The following TRNAU1AP variants were observed in gnomAD, a reference collection of about 807,000 sequenced individuals.
The protein encoded by TRNAU1AP is tRNA selenocysteine 1-associated protein 1.
In TRNAU1AP, 33 loss-of-function variants were observed where a neutral mutation model predicts 43.3. The ratio of observed to expected loss-of-function variants is 0.76; its 90% CI spans 0.58 to 1.02. TRNAU1AP has a LOEUF of 1.02. Ranked by LOEUF, TRNAU1AP falls within the 50% of genes least tolerant of loss-of-function variation. The pLI is 0.00. For missense variants in TRNAU1AP, 290 were observed against 362.7 expected (o/e 0.80, Z 1.63); for synonymous variants, 143 against 129.1 (o/e 1.11, Z -0.73).
intron 4 of TRNAU1AP, among the ~76,000 whole-genome samples, chr1:28,563,660 G>A (rs2124199026): frequency 6.6e-6 from 1 of 152,034 alleles, no homozygotes; most frequent in African/African-American, 2.4e-5. Context: ...CTCCAGCTTA[G>A]GGGACAGAGC....
intron 7 of TRNAU1AP, 81 bp from the exon 8 acceptor site, chr1:28,571,786 A>AAAAATAAAAAATAAAATAAAATAAAAT: frequency 9.9e-7 from 1 of 1,008,576 alleles, no homozygotes; most frequent in Non-Finnish European, 1.5e-6. Flanking sequence ...CCACCTCAAA[A>AAAAATAAAAAATAAAATAAAATAAAAT]AAAATAAAAA....
At chr1:28,561,075 A>G in intron 3 of TRNAU1AP, 1 of 1,365,218 alleles carries the variant, frequency 7.3e-7, no homozygotes, top group Non-Finnish European at 9.4e-7. Flanking sequence ...AGCAGCAAGG[A>G]CACATTTCAA....
chr1:28,563,887 G>A (rs1006893107), intron 4 of TRNAU1AP, among the ~76,000 whole-genome samples: 3 of 151,976 alleles, frequency 2.0e-5, no homozygotes, highest in Non-Finnish European at 4.4e-5. Flanking sequence ...AGGTTTGTGT[G>A]TTCGTTTATT....
chr1:28,573,104 A>G (rs1435465884), intron 8 of TRNAU1AP, among the ~76,000 whole-genome samples: 1 of 140,376 alleles, frequency 7.1e-6, no homozygotes, highest in Non-Finnish European at 1.5e-5. Context: ...GCGCAATCTC[A>G]TCTCACTGCA....
intron 3 of TRNAU1AP, chr1:28,560,934 G>C (rs1665391240): frequency 1.1e-6 from 1 of 910,398 alleles, no homozygotes; most frequent in South Asian, 2.0e-5. Context: ...GTAAATGGCA[G>C]AGCCAGGATT....
chr1:28,567,221 A>T, intron 5 of TRNAU1AP, 73 bp from the exon 6 acceptor site: 1 of 1,528,132 alleles, frequency 6.5e-7, no homozygotes. Flanking sequence ...TCTTATCCTT[A>T]CTTCTTTTTC....
At chr1:28,555,877 G>A (rs1429426101) in intron 2 of TRNAU1AP, among the ~76,000 whole-genome samples, 4 of 142,384 alleles carry the variant, frequency 2.8e-5, no homozygotes, top group Non-Finnish European at 4.5e-5. Context: ...TTTTTGAGAC[G>A]GAGTCTTGCT....
intron 2 of TRNAU1AP, among the ~76,000 whole-genome samples, chr1:28,559,273 C>G (rs868788720): frequency 6.6e-6 from 1 of 152,012 alleles, no homozygotes. Context: ...AAAAGCCAAC[C>G]TCTTTTTTTC....
intron 6 of TRNAU1AP, 91 bp downstream of exon 6, chr1:28,567,504 A>G (rs1665567493): frequency 1.4e-6 from 2 of 1,423,424 alleles, no homozygotes; most frequent in African/African-American, 1.5e-5. Flanking sequence ...CATACGCTGG[A>G]TGGGAGGCTG....
intron 2 of TRNAU1AP, among the ~76,000 whole-genome samples, chr1:28,557,994 C>G (rs915880964): frequency 2.0e-5 from 3 of 150,692 alleles, no homozygotes; most frequent in Non-Finnish European, 4.4e-5. Flanking sequence ...CTCCCAAATT[C>G]AAGCAGTTCT....
At chr1:28,566,832 C>T (rs1665551203) in intron 5 of TRNAU1AP, among the ~76,000 whole-genome samples, 1 of 151,844 alleles carries the variant, frequency 6.6e-6, no homozygotes, top group African/African-American at 2.4e-5. Flanking sequence ...TAAATGTTAG[C>T]TTGCATTAAT....
intron 2 of TRNAU1AP, among the ~76,000 whole-genome samples, chr1:28,558,939 T>C (rs1665342303): frequency 6.6e-6 from 1 of 152,226 alleles, no homozygotes; most frequent in Non-Finnish European, 1.5e-5. Flanking sequence ...TCTAATACCA[T>C]ATCATAGCAG....
At chr1:28,558,917 T>C (rs1266175451) in intron 2 of TRNAU1AP, among the ~76,000 whole-genome samples, 4 of 152,162 alleles carry the variant, frequency 2.6e-5, no homozygotes, top group African/African-American at 9.7e-5. Context: ...CTAACAAAAT[T>C]ATCAGTGATT....
intron 1 of TRNAU1AP, 57 bp from the exon 2 acceptor site, chr1:28,553,583 C>A: frequency 6.5e-7 from 1 of 1,544,452 alleles, no homozygotes; most frequent in African/African-American, 1.4e-5. Context: ...GGCTCTGGAA[C>A]CCGGAGTGGG....
intron 6 of TRNAU1AP, among the ~76,000 whole-genome samples, chr1:28,568,480 G>T (rs1665588982): frequency 6.6e-6 from 1 of 152,130 alleles, no homozygotes; most frequent in African/African-American, 2.4e-5. Flanking sequence ...TTGCTTTGTT[G>T]CCCAGGCTGG....
chr1:28,572,177 C>T (rs531227660), intron 8 of TRNAU1AP, among the ~76,000 whole-genome samples: 4 of 152,086 alleles, frequency 2.6e-5, no homozygotes, highest in African/African-American at 9.6e-5. Flanking sequence ...GGGCCTCTAA[C>T]GATAATACTG....
In TRNAU1AP at chr1:28,578,075, C is replaced by T. The variant is rs557130865; in HGVS notation, c.*439C>T. On this transcript the variant is annotated 3_prime_UTR_variant, in exon 9 of 9. Coordinates refer to ENST00000373830, the MANE Select transcript of TRNAU1AP (RefSeq NM_017846.5). ...CTGGCAGCTAGGTAGAAAAGGCACTCTAGCAGGTGTGGTAGGAGCACGCCC... is the reference window on the plus strand; with the variant it reads ...CTGGCAGCTAGGTAGAAAAGGCACTTTAGCAGGTGTGGTAGGAGCACGCCC... 1.0e-4 allele frequency: 17 copies of T among 162,228 alleles called. No homozygotes were observed. Among genetic ancestry groups the T allele is most frequent in the Admixed American group, 1.8e-4 (3 of 16,426 alleles). 10.0% of individuals were successfully genotyped at this position (162,228 alleles called of 1,614,324 possible).
chr1:28,555,169 G>A (rs1226416251), intron 2 of TRNAU1AP, among the ~76,000 whole-genome samples: 2 of 151,184 alleles, frequency 1.3e-5, no homozygotes, highest in African/African-American at 4.9e-5. Context: ...GGCAGAGGTT[G>A]TAGTGAGCCG....
chr1:28,567,526 A>T, intron 6 of TRNAU1AP, 113 bp downstream of exon 6: 2 of 1,295,190 alleles, frequency 1.5e-6, no homozygotes, highest in Non-Finnish European at 2.1e-6. Context: ...AGGGGATCCA[A>T]TTCAAGTCAC....
Sources: gnomAD v4.1 joint callset for allele counts (sites outside exome capture counted in the v4.1 genomes callset) on GRCh38, gnomAD v4.1.1 for gene constraint, MANE v1.5 for transcripts, NCBI Gene and HGNC (gene_info 2026-07-23, HGNC 2026-07-21) for gene names.